CDH1: variants seen among roughly 807,000 people sequenced by gnomAD.
CDH1 encodes the protein cadherin 1.
A neutral mutation model predicts 84.5 loss-of-function variants in CDH1; 35 were observed. That is an observed-to-expected ratio of 0.41 (90% CI 0.32 to 0.55). The LOEUF (loss-of-function observed/expected upper bound fraction) is 0.55, where lower values mean the gene tolerates loss of function less well. Among genes scored for constraint, CDH1 ranks in the 20% least tolerant of loss-of-function variants. CDH1 has a pLI of 0.19. For missense variants in CDH1, 994 were observed against 1,126.6 expected (o/e 0.88, Z 1.68); for synonymous variants, 417 against 439.0 (o/e 0.95, Z 0.63).
At chr16:68,748,168 A>C (rs540850960) in intron 2 of CDH1, among the ~76,000 whole-genome samples, 1 of 146,252 alleles carries the variant, frequency 6.8e-6, no homozygotes, top group Non-Finnish European at 1.5e-5. Flanking sequence ...GCTGGAGTGC[A>C]ATGGCATGAT....
At chr16:68,773,755 G>A (rs973733464) in intron 2 of CDH1, among the ~76,000 whole-genome samples, 2 of 152,246 alleles carry the variant, frequency 1.3e-5, no homozygotes, top group African/African-American at 4.8e-5. Flanking sequence ...CCACAGATGG[G>A]AGGTGGCACA....
rs900118000 is a variant in CDH1, at chr16:68,833,474, T to G, written c.2624T>G (p.Met875Arg). 6.2e-7 allele frequency: 1 copy of G among 1,613,980 alleles called. No homozygotes were observed. Among genetic ancestry groups the G allele is most frequent in the South Asian group, 1.1e-5 (1 of 91,060 alleles). Residue 875 changes from methionine to arginine, a missense_variant, in exon 16 of 16, where the codon ATG becomes AGG. Met to Arg is a moderately conservative substitution (Grantham distance 91). Around this residue, in one of 3 missense-constraint regions of CDH1, gnomAD observed 769 missense variants for 881.8 expected, o/e 0.87. Coordinates refer to ENST00000261769, the MANE Select transcript of CDH1 (RefSeq NM_004360.5). ...AATCGCTTCAAGAAGCTGGCTGACA[T>G]GTACGGAGGCGGCGAGGACGACTAG... ...WGNRFKKLAD[M>R]YGGGEDD
chr16:68,791,017 G>A (rs1390063851), intron 2 of CDH1, among the ~76,000 whole-genome samples: 1 of 152,190 alleles, frequency 6.6e-6, no homozygotes, highest in East Asian at 1.9e-4. Context: ...AATCTGGCCC[G>A]CAGGAGCAAG....
chr16:68,821,698 G>C (rs1435890262), intron 11 of CDH1, among the ~76,000 whole-genome samples: 1 of 152,192 alleles, frequency 6.6e-6, no homozygotes, highest in Non-Finnish European at 1.5e-5. Context: ...TCTTGGAGTA[G>C]TTAAAATTCA....
chr16:68,786,367 TCA>T (rs1960044879), intron 2 of CDH1, among the ~76,000 whole-genome samples: 1 of 151,908 alleles, frequency 6.6e-6, no homozygotes, highest in Non-Finnish European at 1.5e-5. Context: ...AGACAGGGTT[TCA>T]CCATGATGGT....
At position 68,835,218 on chromosome 16, in the gene CDH1, CTTTTTA is replaced by C. The variant is rs1267357139; in HGVS notation, c.*1723_*1728del. The C allele has an allele frequency of 4.3e-6, 1 of 230,358 alleles. No homozygotes were observed. Among genetic ancestry groups the C allele is most frequent in the African/African-American group, 2.2e-5 (1 of 45,138 alleles). 14.3% of individuals were successfully genotyped at this position (230,358 alleles called of 1,614,324 possible). ...GTAGTGAGGATCTTGATTTGGATCT[CTTTTTA>C]TTTAAATGTGAATTTCAACTTTTGA... On this transcript the variant is annotated 3_prime_UTR_variant, in exon 16 of 16. Coordinates refer to ENST00000261769, the MANE Select transcript of CDH1 (RefSeq NM_004360.5).
intron 2 of CDH1, among the ~76,000 whole-genome samples, chr16:68,760,403 C>G (rs575886881): frequency 8.4e-4 from 127 of 151,930 alleles, no homozygotes; most frequent in Non-Finnish European, 1.6e-3. Context: ...CATGAGCCAC[C>G]ACGCCCAGCC....
chr16:68,817,444 G>A (rs909575285), intron 10 of CDH1, among the ~76,000 whole-genome samples: 1 of 152,222 alleles, frequency 6.6e-6, no homozygotes, highest in Non-Finnish European at 1.5e-5. Flanking sequence ...AATCCATTGG[G>A]TGAAAATTAG....
chr16:68,795,606 T>C (rs1408164025), intron 2 of CDH1, among the ~76,000 whole-genome samples: 1 of 152,098 alleles, frequency 6.6e-6, no homozygotes, highest in African/African-American at 2.4e-5. Flanking sequence ...GCAATTCTCC[T>C]GTCCTGGCCT....
chr16:68,748,534 TGATA>T (rs759497231), intron 2 of CDH1, among the ~76,000 whole-genome samples: 11 of 152,258 alleles, frequency 7.2e-5, no homozygotes, highest in African/African-American at 2.2e-4. Flanking sequence ...AGCCAGTCCC[TGATA>T]GATAGACACT....
intron 8 of CDH1, among the ~76,000 whole-genome samples, chr16:68,812,702 C>A (rs1053466288): frequency 1.3e-5 from 2 of 152,176 alleles, no homozygotes; most frequent in African/African-American, 4.8e-5. Flanking sequence ...ATATTACATG[C>A]ATTCAAGGAG....
rs112541970 is a variant in CDH1 at position 68,754,066 on chromosome 16, C to T, written c.163+15655C>T. Among the ~76,000 whole-genome samples, 979 of 149,008 alleles carry T rather than the reference C, an allele frequency of 6.6e-3. 4 individuals are homozygous for T. Among genetic ancestry groups the T allele is most frequent in the Non-Finnish European group, 0.01 (700 of 67,580 alleles). ...CCTGGGAGGTGGAGCTTGCAGTGAG[C>T]CAAGTGAGCCATTGTACTCCAGCCT... On this transcript the variant is annotated intron_variant, in intron 2 of 15. Transcript: ENST00000261769.
intron 2 of CDH1, among the ~76,000 whole-genome samples, chr16:68,754,594 A>G (rs868532683): frequency 6.6e-6 from 1 of 151,870 alleles, no homozygotes; most frequent in Non-Finnish European, 1.5e-5. Context: ...TGGCTGTTGG[A>G]CTCCAAAGTC....
At chr16:68,819,566 G>A in intron 11 of CDH1, 141 bp downstream of exon 11, 1 of 936,250 alleles carries the variant, frequency 1.1e-6, no homozygotes, top group South Asian at 1.5e-5. Context: ...ATAAATGTAT[G>A]GAGTACAAGG....
At chr16:68,745,513 A>T (rs1276785279) in intron 2 of CDH1, among the ~76,000 whole-genome samples, 4 of 121,170 alleles carry the variant, frequency 3.3e-5, no homozygotes, top group African/African-American at 1.5e-4. Context: ...ACGGCACTCC[A>T]GCTGATAGAG....
intron 2 of CDH1, among the ~76,000 whole-genome samples, chr16:68,793,818 GGAGGCAGGAGGCT>G (rs1460276080): frequency 6.6e-6 from 1 of 151,948 alleles, no homozygotes; most frequent in Non-Finnish European, 1.5e-5. Context: ...CTCGAACCCG[GGAGGCAGGAGGCT>G]GAGGCAGCAG....
At chr16:68,793,356 G>A (rs1457350836) in intron 2 of CDH1, among the ~76,000 whole-genome samples, 4 of 152,174 alleles carry the variant, frequency 2.6e-5, no homozygotes, top group Non-Finnish European at 4.4e-5. Flanking sequence ...CAAGAAGAGA[G>A]GGAGTGTGTA....
chr16:68,793,123 T>C (rs1041293389), intron 2 of CDH1, among the ~76,000 whole-genome samples: 4 of 152,228 alleles, frequency 2.6e-5, no homozygotes, highest in African/African-American at 9.6e-5. Context: ...GTGGGCACGT[T>C]AAGAGTCATG....
At chr16:68,781,531 G>A (rs912865789) in intron 2 of CDH1, among the ~76,000 whole-genome samples, 3 of 152,070 alleles carry the variant, frequency 2.0e-5, no homozygotes, top group Admixed American at 2.0e-4. Context: ...TAGAGATGGG[G>A]TCTTGCCATG....
Sources: gnomAD v4.1 joint callset for allele counts (sites outside exome capture counted in the v4.1 genomes callset) on GRCh38, gnomAD v4.1.1 for gene constraint, gnomAD v4.1.1 regional missense constraint, MANE v1.5 for transcripts, NCBI Gene and HGNC (gene_info 2026-07-23, HGNC 2026-07-21) for gene names.